The following CDYL variants were observed in gnomAD, a reference collection of about 807,000 sequenced individuals.
The protein encoded by CDYL is chromodomain Y like.
Under a neutral mutation model 47.3 loss-of-function variants are expected in CDYL, and 8 were observed. The observed-to-expected ratio is 0.17, with a 90% CI of 0.10 to 0.31. The LOEUF is 0.31. Ranked by LOEUF, CDYL falls within the 10% of genes least tolerant of loss-of-function variation. The probability of loss-of-function intolerance (pLI) is 1.00; values close to 1 mark genes in which losing one functional copy is unlikely to be tolerated. For synonymous variants in CDYL, 266 were observed against 265.0 expected (o/e 1.00, Z -0.04); for missense variants, 471 against 701.4 (o/e 0.67, Z 3.71).
At chr6:4,752,766 C>T (rs955967278) in intron 3 of CDYL, among the ~76,000 whole-genome samples, 1 of 151,878 alleles carries the variant, frequency 6.6e-6, no homozygotes, top group African/African-American at 2.4e-5. Context: ...CATCACATGG[C>T]GGCGAGGACC....
intron 1 of CDYL, among the ~76,000 whole-genome samples, chr6:4,842,732 C>G (rs946217763): frequency 6.6e-6 from 1 of 152,076 alleles, no homozygotes; most frequent in African/African-American, 2.4e-5. Context: ...TGTTCTCTTT[C>G]CAGTGGAGGT....
chr6:4,776,716 G>A lies in CDYL; in HGVS notation c.-68G>A. Reference sequence around the variant, plus strand: ...CCACGCAGGACCCAACTGAAACAAAGTGTCGGCCGCCCGGCGCCGGCGCCC... The same window carrying A: ...CCACGCAGGACCCAACTGAAACAAAATGTCGGCCGCCCGGCGCCGGCGCCC... On this transcript the variant is annotated 5_prime_UTR_variant, in exon 1 of 7. In the 5' UTR this introduces an upstream ATG that the reference lacks. Transcript: ENST00000397588. 7.9e-7 allele frequency: 1 copy of A among 1,267,600 alleles called. No homozygotes were observed. The highest frequency in any genetic ancestry group is 1.4e-5 in the South Asian group (1 of 72,960). The allele number at this position is 1,267,600 out of a possible 1,614,324, so 78.5% of individuals were successfully genotyped here.
chr6:4,743,393 C>T (rs539313493), intron 3 of CDYL, among the ~76,000 whole-genome samples: 21 of 152,316 alleles, frequency 1.4e-4, no homozygotes, highest in South Asian at 4.1e-4. Flanking sequence ...GCTATGTTTC[C>T]TTCCATCTCT....
At chr6:4,884,514 TC>T (rs1319704508) in intron 1 of CDYL, among the ~76,000 whole-genome samples, 1 of 152,020 alleles carries the variant, frequency 6.6e-6, no homozygotes, top group Non-Finnish European at 1.5e-5. Flanking sequence ...AAGGAGTGGG[TC>T]TTGTTGGGAG....
At chr6:4,715,940 C>T (rs1193493074) in intron 2 of CDYL, 2 of 1,568,516 alleles carry the variant, frequency 1.3e-6, no homozygotes, top group Admixed American at 1.9e-5. Flanking sequence ...CTTAGAGAGG[C>T]CCCTTTTATT....
chr6:4,905,099 G>A (rs1757190735), intron 2 of CDYL, among the ~76,000 whole-genome samples: 2 of 152,154 alleles, frequency 1.3e-5, no homozygotes, highest in South Asian at 4.1e-4. Flanking sequence ...AGTCCACGTT[G>A]GATAAACAAA....
At chr6:4,842,040 A>G (rs1291170369) in intron 1 of CDYL, among the ~76,000 whole-genome samples, 1 of 144,690 alleles carries the variant, frequency 6.9e-6, no homozygotes, top group African/African-American at 2.5e-5. Context: ...TATATAATTT[A>G]TATATATTAT....
At chr6:4,761,296 C>G (rs1008505639) in intron 3 of CDYL, among the ~76,000 whole-genome samples, 5 of 152,130 alleles carry the variant, frequency 3.3e-5, no homozygotes, top group African/African-American at 9.7e-5. Context: ...ATATAAGGTA[C>G]CATGAGAGGG....
At chr6:4,725,758 G>A (rs923363984) in intron 2 of CDYL, among the ~76,000 whole-genome samples, 1 of 152,266 alleles carries the variant, frequency 6.6e-6, no homozygotes, top group African/African-American at 2.4e-5. Flanking sequence ...CTCCCACAGT[G>A]CAGCGGCGGG....
chr6:4,879,685 G>A (rs1771884), intron 1 of CDYL, among the ~76,000 whole-genome samples: 71,062 of 150,624 alleles, frequency 0.47, 18,150 homozygotes, highest in African/African-American at 0.68. Context: ...CAGCCTCCCA[G>A]GTAGCTGGGA....
At chr6:4,793,377 A>T (rs913359153) in intron 1 of CDYL, among the ~76,000 whole-genome samples, 1 of 152,092 alleles carries the variant, frequency 6.6e-6, no homozygotes, top group Non-Finnish European at 1.5e-5. Context: ...TTTTAGGTGA[A>T]GCAATCAGGG....
chr6:4,855,803 C>T (rs1760990592), intron 1 of CDYL, among the ~76,000 whole-genome samples: 2 of 152,300 alleles, frequency 1.3e-5, no homozygotes, highest in South Asian at 4.1e-4. Context: ...TTTTATGACA[C>T]ACTAAGGGGT....
Position 4,952,418 on chromosome 6 carries a change from A to G in CDYL, c.1476+9A>G, listed in dbSNP as rs377501677. 2.8e-5 allele frequency: 45 copies of G among 1,600,908 alleles called. 3 individuals carry two copies. The African/African-American group carries it at 5.5e-4, about 20-fold the overall frequency. ...CCTCGTGCAATCCAGTTGTATGTCTAATTGCTTCTGTTACACGTTACTTTT... is the reference window on the plus strand; with the variant it reads ...CCTCGTGCAATCCAGTTGTATGTCTGATTGCTTCTGTTACACGTTACTTTT... On this transcript the variant is annotated intron_variant, in intron 6 of 6. Transcript: ENST00000397588.
At chr6:4,768,758 G>GGAGT (rs1306495687) in intron 3 of CDYL, among the ~76,000 whole-genome samples, 1 of 152,146 alleles carries the variant, frequency 6.6e-6, no homozygotes, top group Non-Finnish European at 1.5e-5. Flanking sequence ...ACAGGGGCTG[G>GGAGT]GAGTGGAGAA....
intron 2 of CDYL, among the ~76,000 whole-genome samples, chr6:4,731,163 ATTGTACG>A (rs1561828589): frequency 3.5e-4 from 53 of 152,150 alleles, no homozygotes; most frequent in Admixed American, 2.0e-4. Flanking sequence ...CTGGTAATAC[ATTGTACG>A]ATTGTATTTG....
At chr6:4,772,592 T>C (rs1212529902), upstream of CDYL, among the ~76,000 whole-genome samples, 1 of 152,184 alleles carries the variant, frequency 6.6e-6, no homozygotes, top group East Asian at 1.9e-4. Flanking sequence ...GTTCTTTCTT[T>C]TGAGTGGGTG....
At chr6:4,768,443 G>C (rs1414832356) in intron 3 of CDYL, among the ~76,000 whole-genome samples, 2 of 152,144 alleles carry the variant, frequency 1.3e-5, no homozygotes, top group Non-Finnish European at 2.9e-5. Context: ...CTCATGATGA[G>C]AGTATGTCAA....
At chr6:4,749,045 C>T (rs1301429812) in intron 3 of CDYL, among the ~76,000 whole-genome samples, 1 of 152,226 alleles carries the variant, frequency 6.6e-6, no homozygotes, top group African/African-American at 2.4e-5. Context: ...GCCAAAGTCA[C>T]AGTCTGTGTA....
chr6:4,710,894 A>C (rs987997032), intron 1 of CDYL, among the ~76,000 whole-genome samples: 3 of 147,848 alleles, frequency 2.0e-5, no homozygotes, highest in Admixed American at 7.0e-5. Flanking sequence ...ATTGGCAAAG[A>C]GTGTAGATTT....
Sources: allele counts gnomAD v4.1 joint callset (sites outside exome capture counted in the v4.1 genomes callset), GRCh38; gene constraint gnomAD v4.1.1; transcripts MANE v1.5; gene names NCBI Gene and HGNC (gene_info 2026-07-23, HGNC 2026-07-21).